DEDD2: variants seen among roughly 807,000 people sequenced by gnomAD.
The protein encoded by DEDD2 is DNA-binding death effector domain-containing protein 2.
DEDD2 carries 18 observed loss-of-function variants against 28.9 expected under a neutral mutation model. That is an observed-to-expected ratio of 0.62 (90% CI 0.43 to 0.92). The LOEUF (loss-of-function observed/expected upper bound fraction) is 0.92. DEDD2 is among the 40% of genes least tolerant of loss of function. The pLI, the probability that DEDD2 is intolerant of heterozygous loss-of-function variation, is 0.00. For missense variants in DEDD2, 411 were observed against 463.3 expected (o/e 0.89, Z 1.04); for synonymous variants, 211 against 206.1 (o/e 1.02, Z -0.20).
At chr19:42,210,105 G>C (rs1203817914) in intron 3 of DEDD2, among the ~76,000 whole-genome samples, 1 of 152,126 alleles carries the variant, frequency 6.6e-6, no homozygotes, top group East Asian at 1.9e-4. Context: ...ACTTACACCA[G>C]GAGACACACA....
rs1420724498 is a variant in DEDD2, at chr19:42,199,898, T to C, written c.590-69A>G. 1 of 1,490,834 alleles carries C rather than the reference T, an allele frequency of 6.7e-7. No homozygotes were observed. The highest frequency in any genetic ancestry group is 2.2e-5 in the Admixed American group (1 of 44,696). The allele number at this position is 1,490,834 out of a possible 1,614,324, so 92.4% of individuals were successfully genotyped here. A position where few individuals can be genotyped will look rare whatever the true frequency, so the allele number is the denominator to read the frequency against. ...GACACACTTATGGGGAACGCCACCC[T>C]TCCTCCCTCCAGCCTTCTCCCTCCA... On this transcript the variant is annotated intron_variant, in intron 4 of 4. Transcript: ENST00000596251. This position sits in a 1 kb window ranked among gnomAD's most constrained non-coding sequence, Gnocchi z 7.4.
chr19:42,213,280 G>C (rs1435146353), intron 3 of DEDD2, among the ~76,000 whole-genome samples: 1 of 152,106 alleles, frequency 6.6e-6, no homozygotes, highest in Non-Finnish European at 1.5e-5. Flanking sequence ...AAAGAAAAAA[G>C]AAAAAGAATT....
chr19:42,205,400 C>A (rs913337950), intron 4 of DEDD2, among the ~76,000 whole-genome samples: 5 of 152,140 alleles, frequency 3.3e-5, no homozygotes, highest in African/African-American at 4.8e-5. Context: ...GAGGCCCAGG[C>A]GGGTGGATCA....
Position 42,215,165 on chromosome 19 carries a change from G to C in DEDD2, c.416C>G (p.Ser139Cys), listed in dbSNP as rs1244459332. 6.2e-6 allele frequency: 10 copies of C among 1,614,040 alleles called. No homozygotes were observed. Among genetic ancestry groups the C allele is most frequent in the Non-Finnish European group, 8.5e-6 (10 of 1,180,046 alleles). ...CCACTGACCCTGCTGAGAATTTGCA[G>C]AACTGCTTGACTGCCGACGGCGACG... ...SCRRRRQSSS[S>C]ANSQQGQWET... The change falls in exon 3 of 5, where the codon TCT (serine) becomes TGT (cysteine). Residue 139 changes from serine (S) to cysteine (C), a missense_variant. Ser to Cys is a moderately radical substitution (Grantham distance 112, BLOSUM62 -1). Coordinates refer to ENST00000596251, the MANE Select transcript of DEDD2 (RefSeq NM_133328.4).
chr19:42,215,330 C>T (rs1042549251), intron 2 of DEDD2, 78 bp from the exon 3 acceptor site: 24 of 1,576,442 alleles, frequency 1.5e-5, no homozygotes, highest in Middle Eastern at 1.7e-4. Flanking sequence ...GCCTGCACCA[C>T]GAGGTGCCTA....
chr19:42,209,585 A>G, intron 4 of DEDD2, 115 bp downstream of exon 4: 3 of 1,405,674 alleles, frequency 2.1e-6, no homozygotes, highest in Non-Finnish European at 2.9e-6. Flanking sequence ...GGTGAACGAG[A>G]GCTGACACCC....
rs2035691053 is a variant in DEDD2 at position 42,209,987 on chromosome 19, A to T, written c.449-147T>A. ...CCCTTCTTCAGTGGCCCTGTCTAAA[A>T]GATGAAGAGTACCATCTAGCATCAT... On this transcript the variant is annotated intron_variant, in intron 3 of 4. Coordinates refer to ENST00000596251, the MANE Select transcript of DEDD2 (RefSeq NM_133328.4). 2.6e-6 allele frequency: 3 copies of T among 1,143,462 alleles called. No homozygotes were observed. The Admixed American group carries it at 1.0e-4, about 39-fold the overall frequency. The allele number at this position is 1,143,462 out of a possible 1,614,324, so 70.8% of individuals were successfully genotyped here.
chr19:42,215,604 T>C (rs545805346), intron 2 of DEDD2, among the ~76,000 whole-genome samples: 12 of 152,310 alleles, frequency 7.9e-5, no homozygotes, highest in Non-Finnish European at 1.5e-4. Context: ...TCTTCTCTTC[T>C]AGAGCGTGAT....
At chr19:42,219,003 TG>T (rs1271862704), upstream of DEDD2, among the ~76,000 whole-genome samples, 2 of 151,336 alleles carry the variant, frequency 1.3e-5, no homozygotes, top group Non-Finnish European at 2.9e-5. Context: ...GGCGAGACTT[TG>T]TCTCAAGAAA....
intron 4 of DEDD2, among the ~76,000 whole-genome samples, chr19:42,206,541 C>T (rs924564593): frequency 6.6e-6 from 1 of 152,186 alleles, no homozygotes; most frequent in East Asian, 1.9e-4. Flanking sequence ...GACTAGTGAC[C>T]GCCTTTCCCT....
chr19:42,206,126 A>C (rs2035524757), intron 4 of DEDD2, among the ~76,000 whole-genome samples: 1 of 150,732 alleles, frequency 6.6e-6, no homozygotes. Flanking sequence ...AGCAAAGCTG[A>C]TCCTGTCATT....
At chr19:42,211,045 G>T (rs534172702) in intron 3 of DEDD2, among the ~76,000 whole-genome samples, 4 of 149,594 alleles carry the variant, frequency 2.7e-5, no homozygotes, top group African/African-American at 9.8e-5. Context: ...ACTCCAGCCA[G>T]GGTGACAGTG....
In DEDD2 at chr19:42,216,692, G is replaced by T; in HGVS notation, c.316C>A (p.Arg106=). ...CATTCAACCGTACCTGGCCGGCGCC[G>T]CTTGCGCGCCAGGTGCGGCAGCAGG... ...HDLLPHLARK[R]RRPVSPERYS... The change falls in exon 2 of 5, where the codon CGG becomes AGG. Residue 106 remains arginine (R), a synonymous_variant. Transcript: ENST00000596251. The T allele has an allele frequency of 1.3e-6, 2 of 1,577,430 alleles. No homozygotes were observed. Among genetic ancestry groups the T allele is most frequent in the African/African-American group, 1.4e-5 (1 of 73,424 alleles).
chr19:42,211,297 G>A lies in DEDD2; in HGVS notation c.449-1457C>T, dbSNP rs781115107. Among the ~76,000 whole-genome samples the A allele has an allele frequency of 1.6e-4, 25 of 151,774 alleles. No individual in the cohort carries two copies. In the South Asian group the frequency reaches 1.7e-3, roughly 10 times the overall value. On this transcript the variant is annotated intron_variant, in intron 3 of 4. Coordinates refer to ENST00000596251, the MANE Select transcript of DEDD2 (RefSeq NM_133328.4). ...CTACTTGGGAGGCTGAGGTGGGAGG[G>A]CTGCTTGAGCCCAGGAGATCTAGGC...
intron 4 of DEDD2, among the ~76,000 whole-genome samples, chr19:42,200,263 T>C (rs1404063634): frequency 6.6e-6 from 1 of 152,212 alleles, no homozygotes; most frequent in Non-Finnish European, 1.5e-5. Flanking sequence ...CTCTGTCAGT[T>C]ACTATCTGCT....
At position 42,199,064 on chromosome 19, in the gene DEDD2, TG is replaced by T. The variant is rs1288258774; in HGVS notation, c.*373del. 2 of 228,022 alleles carry T rather than the reference TG, an allele frequency of 8.8e-6. No homozygotes were observed. The highest frequency in any genetic ancestry group is 4.6e-5 in the African/African-American group (2 of 43,870). The allele number at this position is 228,022 out of a possible 1,614,324, so 14.1% of individuals were successfully genotyped here. On this transcript the variant is annotated 3_prime_UTR_variant, in exon 5 of 5. Transcript: ENST00000596251. This position sits in a 1 kb window ranked among gnomAD's most constrained non-coding sequence, Gnocchi z 7.4. The stretch of plus-strand genomic sequence containing the variant: ...CCAGGGAAGATCTCAGCAGGGGCAG[TG>T]TGAGCATGAGCGAGTGTGTGCACCT...
intron 2 of DEDD2, 145 bp from the exon 3 acceptor site, chr19:42,215,397 G>C (rs2035927187): frequency 9.7e-7 from 1 of 1,033,508 alleles, no homozygotes; most frequent in Non-Finnish European, 1.4e-6. Context: ...CTCCTGCAGA[G>C]GTTGCTCAGA....
chr19:42,217,113 C>G, intron 1 of DEDD2, 68 bp from the exon 2 acceptor site: 1 of 1,226,686 alleles, frequency 8.2e-7, no homozygotes, highest in Non-Finnish European at 1.1e-6. Flanking sequence ...ACACCGCCAG[C>G]GCGTCTCCCC....
At chr19:42,202,318 T>G (rs1251539174) in intron 4 of DEDD2, among the ~76,000 whole-genome samples, 1 of 152,034 alleles carries the variant, frequency 6.6e-6, no homozygotes, top group Non-Finnish European at 1.5e-5. Flanking sequence ...CCCCATACCC[T>G]GCACTCCAGT....
Sources: gnomAD v4.1 joint callset for allele counts (sites outside exome capture counted in the v4.1 genomes callset) on GRCh38, gnomAD v4.1.1 for gene constraint, Gnocchi (gnomAD v3.1) non-coding constraint, MANE v1.5 for transcripts, NCBI Gene and HGNC (gene_info 2026-07-23, HGNC 2026-07-21) for gene names.